The following NCALD variants were observed in gnomAD, a reference collection of about 807,000 sequenced individuals.
NCALD encodes neurocalcin delta.
A neutral mutation model predicts 18.6 loss-of-function variants in NCALD; 10 were observed. The observed-to-expected ratio is 0.54, with a 90% CI of 0.33 to 0.91. The LOEUF is 0.91. Among genes scored for constraint, NCALD ranks in the 40% least tolerant of loss-of-function variants. The probability of loss-of-function intolerance (pLI) is 0.03; values close to 1 mark genes in which losing one functional copy is unlikely to be tolerated. For synonymous variants in NCALD, 88 were observed against 87.4 expected, an observed-to-expected ratio of 1.01 and a Z score of -0.04; for missense variants, 184 against 247.6, an observed-to-expected ratio of 0.74 and a Z score of 1.72.
chr8:101,950,110 C>G (rs1222827850), intron 2 of NCALD: 1 of 152,428 alleles, frequency 6.6e-6, no homozygotes, highest in Admixed American at 6.5e-5. Context: ...TAGCCTTGCT[C>G]TCTCCCCAAA....
intron 4 of NCALD, among the ~76,000 whole-genome samples, chr8:101,843,487 CATAATTTTAGGG>C (rs1257235265): frequency 1.3e-5 from 2 of 152,052 alleles, no homozygotes; most frequent in African/African-American, 4.8e-5. Context: ...CTCTGCCCTT[CATAATTTTAGGG>C]CCATGAATAT....
intron 2 of NCALD, among the ~76,000 whole-genome samples, chr8:101,934,628 A>G (rs1207971075): frequency 6.6e-6 from 1 of 151,956 alleles, no homozygotes; most frequent in East Asian, 1.9e-4. Context: ...GACAATAGAA[A>G]GAAAGCCATG....
At chr8:102,110,369 A>G (rs1825605291) in intron 1 of NCALD, among the ~76,000 whole-genome samples, 1 of 152,238 alleles carries the variant, frequency 6.6e-6, no homozygotes, top group African/African-American at 2.4e-5. Context: ...AAAGAAATAC[A>G]AATGAAAAGA....
At chr8:101,843,269 C>G (rs1002405155) in intron 4 of NCALD, among the ~76,000 whole-genome samples, 1 of 152,186 alleles carries the variant, frequency 6.6e-6, no homozygotes, top group African/African-American at 2.4e-5. Flanking sequence ...ACAATATCTA[C>G]TCAAAAAGAT....
intron 4 of NCALD, among the ~76,000 whole-genome samples, chr8:101,882,217 T>G (rs923009239): frequency 1.3e-5 from 2 of 152,186 alleles, no homozygotes; most frequent in Non-Finnish European, 2.9e-5. Flanking sequence ...ATTCTAAGAT[T>G]CTTGGCATAT....
At position 101,951,358 on chromosome 8, in the gene NCALD, T is replaced by C. The variant is rs200684402; in HGVS notation, c.-156-35500A>G. 1.6e-4 allele frequency among the ~76,000 whole-genome samples: 24 copies of C among 152,284 alleles called. No homozygotes were observed. The East Asian group carries it at 3.1e-3, about 20-fold the overall frequency. On this transcript the variant is annotated intron_variant, in intron 2 of 6. Coordinates refer to the NCALD transcript ENST00000311028. ...GGGAGGTGTACAGGCAGCATGCTGA[T>C]GGAGGCAACTGGAGCACCTTCAGCA...
chr8:101,901,242 G>A (rs1817409331), intron 3 of NCALD, among the ~76,000 whole-genome samples: 1 of 151,074 alleles, frequency 6.6e-6, no homozygotes, highest in Non-Finnish European at 1.5e-5. Context: ...TGTTATATCT[G>A]ACAGGAATTT....
In NCALD at chr8:101,692,468, C is replaced by A. The variant is rs77920686; in HGVS notation, c.484+323G>T. 2.9e-3 allele frequency: 2,901 copies of A among 985,460 alleles called. 67 individuals are homozygous for A. The African/African-American group carries it at 0.044, about 15-fold the overall frequency. 61.0% of individuals were successfully genotyped at this position (985,460 alleles called of 1,614,324 possible). A position where few individuals can be genotyped will look rare whatever the true frequency, so the allele number is the denominator to read the frequency against. ...ACTGCAGGGACCCAGCCTGCTATAG[C>A]CTAGGCCTGTCCCAAGGATGGGTCT... is the stretch of plus-strand genomic sequence containing the variant. On this transcript the variant is annotated intron_variant, in intron 3 of 3. Coordinates refer to ENST00000220931, the MANE Select transcript of NCALD (RefSeq NM_032041.3).
chr8:101,971,786 C>G (rs1480729565), intron 2 of NCALD, among the ~76,000 whole-genome samples: 4 of 152,046 alleles, frequency 2.6e-5, no homozygotes, highest in Admixed American at 2.0e-4. Context: ...AATAAAAGAC[C>G]CTGAGACCCC....
intron 2 of NCALD, among the ~76,000 whole-genome samples, chr8:102,000,917 A>G (rs1263136938): frequency 6.6e-6 from 1 of 152,228 alleles, no homozygotes; most frequent in Non-Finnish European, 1.5e-5. Context: ...AAAACCACAA[A>G]GATGGGGAAG....
chr8:102,071,991 A>T (rs1200672439), intron 1 of NCALD, among the ~76,000 whole-genome samples: 7 of 152,208 alleles, frequency 4.6e-5, no homozygotes, highest in Non-Finnish European at 8.8e-5. Context: ...TTATGTGGAA[A>T]TTTAAAGGAT....
chr8:102,039,878 C>T (rs1461606895), intron 1 of NCALD, among the ~76,000 whole-genome samples: 1 of 152,136 alleles, frequency 6.6e-6, no homozygotes, highest in Non-Finnish European at 1.5e-5. Context: ...CACTTCCTCT[C>T]CCAACATGTG....
At chr8:101,907,867 A>T (rs1479131851) in intron 3 of NCALD, among the ~76,000 whole-genome samples, 1 of 152,244 alleles carries the variant, frequency 6.6e-6, no homozygotes, top group Non-Finnish European at 1.5e-5. Context: ...TTGAATGTGT[A>T]AAGTTTCACA....
intron 3 of NCALD, among the ~76,000 whole-genome samples, chr8:101,907,720 C>T (rs973395937): frequency 1.3e-5 from 2 of 152,158 alleles, no homozygotes; most frequent in African/African-American, 4.8e-5. Context: ...ATAGCAAGTG[C>T]TCCACTTTGG....
chr8:102,050,662 A>G (rs62522999), intron 1 of NCALD, among the ~76,000 whole-genome samples: 20,678 of 147,548 alleles, frequency 0.14, 1,704 homozygotes, highest in Non-Finnish European at 0.19. Context: ...ATATGTTTGT[A>G]TATATAGTAT....
chr8:101,744,333 A>G (rs1270078746), intron 1 of NCALD, among the ~76,000 whole-genome samples: 1 of 152,178 alleles, frequency 6.6e-6, no homozygotes, highest in Non-Finnish European at 1.5e-5. Context: ...AAGCAAATAT[A>G]TTTTTAGCTT....
intron 1 of NCALD, among the ~76,000 whole-genome samples, chr8:101,763,966 C>CTCCA (rs1491550100): frequency 5.9e-5 from 5 of 85,172 alleles, no homozygotes; most frequent in Non-Finnish European, 1.2e-4. Flanking sequence ...CTCTCTCTCT[C>CTCCA]CACACACACA....
rs1220518131 is a variant in NCALD at position 101,987,685 on chromosome 8, C to T, written c.-157+32552G>A. On this transcript the variant is annotated intron_variant, in intron 2 of 6. Transcript: ENST00000311028. Reference sequence around the variant, plus strand: ...GTCAGTATACTGCACATCCATTTTACTAGATGGATATTCCAGAGTCCAAGA... The same window carrying T: ...GTCAGTATACTGCACATCCATTTTATTAGATGGATATTCCAGAGTCCAAGA... Among the ~76,000 whole-genome samples, 3 of 152,290 alleles carry T rather than the reference C, an allele frequency of 2.0e-5. No individual in the cohort carries two copies. The East Asian group carries it at 5.8e-4, about 29-fold the overall frequency.
intron 4 of NCALD, among the ~76,000 whole-genome samples, chr8:101,828,896 T>A (rs1213646230): frequency 6.7e-6 from 1 of 148,696 alleles, no homozygotes; most frequent in African/African-American, 2.5e-5. Flanking sequence ...ACCTAATAAG[T>A]GATCAATACA....
Sources: gnomAD v4.1 joint callset for allele counts (sites outside exome capture counted in the v4.1 genomes callset) on GRCh38, gnomAD v4.1.1 for gene constraint, MANE v1.5 for transcripts, NCBI Gene and HGNC (gene_info 2026-07-23, HGNC 2026-07-21) for gene names.